The following MAF variants were observed in gnomAD, a reference collection of about 807,000 sequenced individuals.
MAF encodes the protein MAF bZIP transcription factor.
MAF carries 10 observed loss-of-function variants against 22.0 expected under a neutral mutation model. That is an observed-to-expected ratio of 0.45 (90% CI 0.28 to 0.77). The LOEUF (loss-of-function observed/expected upper bound fraction) is 0.77. Among genes scored for constraint, MAF ranks in the 30% least tolerant of loss-of-function variants. The pLI is 0.12. For missense variants in MAF, 544 were observed against 548.4 expected, an observed-to-expected ratio of 0.99 and a Z score of 0.08; for synonymous variants, 337 against 255.8, an observed-to-expected ratio of 1.32 and a Z score of -3.03.
chr16:79,561,183 A>G, the MAF span, among the ~76,000 whole-genome samples: 2 of 152,104 alleles, frequency 1.3e-5, no homozygotes, highest in Non-Finnish European at 2.9e-5. Flanking sequence ...TGCCCCTTAC[A>G]CATTAACAGA....
chr16:79,409,660 A>G, the MAF span, among the ~76,000 whole-genome samples: 84 of 152,324 alleles, frequency 5.5e-4, 1 homozygote, highest in East Asian at 0.014. Context: ...CTGGCATGGT[A>G]TAAACAGCAA....
the MAF span, among the ~76,000 whole-genome samples, chr16:79,396,287 T>A: frequency 6.6e-6 from 1 of 152,170 alleles, no homozygotes; most frequent in Non-Finnish European, 1.5e-5. Flanking sequence ...GCCTTGTGAG[T>A]CACTGCAGCT....
the MAF span, among the ~76,000 whole-genome samples, chr16:79,312,822 G>A: frequency 1.3e-5 from 2 of 152,104 alleles, no homozygotes; most frequent in African/African-American, 4.8e-5. Flanking sequence ...ATTGTCTTCG[G>A]CTACATATAA....
the MAF span, among the ~76,000 whole-genome samples, chr16:79,475,592 TG>T: frequency 2.4e-4 from 36 of 152,160 alleles, 1 homozygote; most frequent in African/African-American, 7.7e-4. Context: ...AAGAATTTCC[TG>T]GGGGAGATGG....
chr16:79,502,495 G>A, the MAF span, among the ~76,000 whole-genome samples: 2 of 151,564 alleles, frequency 1.3e-5, no homozygotes, highest in African/African-American at 2.4e-5. Flanking sequence ...GCTAAACCCT[G>A]TGTCTACAAA....
At chr16:79,207,259 G>C in the MAF span, among the ~76,000 whole-genome samples, 1 of 152,216 alleles carries the variant, frequency 6.6e-6, no homozygotes, top group Non-Finnish European at 1.5e-5. Flanking sequence ...CTTTGCATTT[G>C]AGAAGTATTT....
chr16:79,413,857 T>C, the MAF span, among the ~76,000 whole-genome samples: 3 of 152,170 alleles, frequency 2.0e-5, no homozygotes, highest in African/African-American at 7.2e-5. Flanking sequence ...ACATCGTTCA[T>C]TCGAGAAGAA....
the MAF span, among the ~76,000 whole-genome samples, chr16:79,315,682 A>T: frequency 6.6e-6 from 1 of 152,196 alleles, no homozygotes; most frequent in Non-Finnish European, 1.5e-5. Context: ...TTACACTGCC[A>T]ATGCTGGGTG....
the MAF span, among the ~76,000 whole-genome samples, chr16:79,257,381 A>G: frequency 1.3e-5 from 2 of 152,136 alleles, no homozygotes; most frequent in Non-Finnish European, 2.9e-5. Flanking sequence ...ATTGTTTCAA[A>G]ATGCAAAAAT....
At chr16:79,470,606 A>G in the MAF span, among the ~76,000 whole-genome samples, 43 of 152,230 alleles carry the variant, frequency 2.8e-4, no homozygotes, top group African/African-American at 1.0e-3. Context: ...TAGTTCTCAT[A>G]GCAACCCAGT....
the MAF span, among the ~76,000 whole-genome samples, chr16:79,386,035 C>T: frequency 2.0e-5 from 3 of 151,982 alleles, no homozygotes; most frequent in Admixed American, 6.5e-5. Context: ...GAGCTTAGAG[C>T]TTAAGGGAGG....
the MAF span, among the ~76,000 whole-genome samples, chr16:79,281,544 G>A: frequency 2.2e-5 from 3 of 136,866 alleles, no homozygotes; most frequent in African/African-American, 8.3e-5. Flanking sequence ...ACTCTTTGAA[G>A]ACTTTTTTTT....
At chr16:79,249,759 T>C in the MAF span, among the ~76,000 whole-genome samples, 9 of 151,292 alleles carry the variant, frequency 5.9e-5, no homozygotes, top group Non-Finnish European at 1.2e-4. Context: ...CCTCCCTTCC[T>C]CCCTTCCTCT....
At chr16:79,393,155 T>C in the MAF span, among the ~76,000 whole-genome samples, 1 of 152,368 alleles carries the variant, frequency 6.6e-6, no homozygotes, top group East Asian at 1.9e-4. Flanking sequence ...CTTTACATTA[T>C]TTTGATTCCG....
At chr16:79,396,312 A>G in the MAF span, among the ~76,000 whole-genome samples, 4 of 152,202 alleles carry the variant, frequency 2.6e-5, no homozygotes, top group Non-Finnish European at 4.4e-5. Context: ...AAGAAAACAC[A>G]TAGGTTTAAC....
At chr16:79,508,977 C>T in the MAF span, among the ~76,000 whole-genome samples, 1 of 152,178 alleles carries the variant, frequency 6.6e-6, no homozygotes, top group African/African-American at 2.4e-5. Context: ...TAAAGGCCAA[C>T]AAATTGTATA....
At chr16:79,488,464 A>C in the MAF span, among the ~76,000 whole-genome samples, 1 of 151,746 alleles carries the variant, frequency 6.6e-6, no homozygotes, top group Non-Finnish European at 1.5e-5. Context: ...CCACATAATC[A>C]CTCTATGTAA....
chr16:79,316,975 AAAG>A, the MAF span, among the ~76,000 whole-genome samples: 1 of 152,180 alleles, frequency 6.6e-6, no homozygotes, highest in Non-Finnish European at 1.5e-5. Context: ...TTATTTAGCA[AAAG>A]AAGAAAACAG....
chr16:79,505,367 T>G, the MAF span, among the ~76,000 whole-genome samples: 1 of 152,114 alleles, frequency 6.6e-6, no homozygotes, highest in African/African-American at 2.4e-5. Flanking sequence ...TTGAAGGGTT[T>G]TGTATATTTT....
Sources: allele counts gnomAD v4.1 joint callset (sites outside exome capture counted in the v4.1 genomes callset), GRCh38; gene constraint gnomAD v4.1.1; transcripts MANE v1.5; gene names NCBI Gene and HGNC (gene_info 2026-07-23, HGNC 2026-07-21).